Variants in CDH12 observed in about 807,000 individuals in gnomAD.
The protein encoded by CDH12 is cadherin-12.
Under a neutral mutation model 74.1 loss-of-function variants are expected in CDH12, and 41 were observed. That is an observed-to-expected ratio of 0.55 (90% CI 0.43 to 0.72). The LOEUF is 0.72. Among genes scored for constraint, CDH12 ranks in the 30% least tolerant of loss-of-function variants. The pLI is 0.00. For synonymous variants in CDH12, 399 were observed against 355.0 expected, an observed-to-expected ratio of 1.12 and a Z score of -1.39; for missense variants, 945 against 977.2, an observed-to-expected ratio of 0.97 and a Z score of 0.44.
At chr5:22,530,905 T>TA (rs571889897) in intron 1 of CDH12, among the ~76,000 whole-genome samples, 171 of 152,182 alleles carry the variant, frequency 1.1e-3, no homozygotes, top group African/African-American at 3.9e-3. Context: ...TTACAGAACT[T>TA]ACATATTTCC....
At chr5:22,790,536 G>T (rs1254648433) in intron 1 of CDH12, among the ~76,000 whole-genome samples, 4 of 151,882 alleles carry the variant, frequency 2.6e-5, no homozygotes, top group Non-Finnish European at 5.9e-5. Flanking sequence ...TAATCCCTTT[G>T]ACACATGTGG....
intron 1 of CDH12, among the ~76,000 whole-genome samples, chr5:22,509,318 T>A (rs1465906797): frequency 6.6e-6 from 1 of 152,198 alleles, no homozygotes; most frequent in East Asian, 1.9e-4. Context: ...AGACTATGGC[T>A]ACATAATTTT....
Position 21,917,433 on chromosome 5 carries a change from T to C in CDH12, c.526+57658A>G, listed in dbSNP as rs149501219. On this transcript the variant is annotated intron_variant, in intron 6 of 14. Transcript: ENST00000382254. ...AGCTCTGAAGTCATTATATAAAAAT[T>C]ACCAGTTAAAATTAACTAATCTTCC... Among the ~76,000 whole-genome samples, 17 of 152,356 alleles carry C rather than the reference T, an allele frequency of 1.1e-4. No homozygotes were observed. The East Asian group carries it at 3.3e-3, about 29-fold the overall frequency.
intron 3 of CDH12, among the ~76,000 whole-genome samples, chr5:22,278,742 C>G (rs1172626708): frequency 6.6e-6 from 1 of 152,044 alleles, no homozygotes; most frequent in East Asian, 1.9e-4. Flanking sequence ...TTAGTCTACC[C>G]TCTAGGTATG....
At chr5:22,282,282 A>G (rs1736922934) in intron 3 of CDH12, among the ~76,000 whole-genome samples, 1 of 152,210 alleles carries the variant, frequency 6.6e-6, no homozygotes, top group South Asian at 2.1e-4. Flanking sequence ...CCTAAAAATC[A>G]TAACAACCCT....
At chr5:22,117,491 A>AT (rs1457651411) in intron 4 of CDH12, among the ~76,000 whole-genome samples, 5 of 64,176 alleles carry the variant, frequency 7.8e-5, no homozygotes, top group Non-Finnish European at 1.4e-4. Flanking sequence ...TATATATATT[A>AT]TATATATATA....
intron 3 of CDH12, among the ~76,000 whole-genome samples, chr5:22,271,541 T>G (rs1736400695): frequency 6.6e-6 from 1 of 152,190 alleles, no homozygotes; most frequent in African/African-American, 2.4e-5. Context: ...TTGGAAAATC[T>G]TTTGCACAAG....
intron 1 of CDH12, among the ~76,000 whole-genome samples, chr5:22,539,050 T>C (rs934556563): frequency 2.6e-5 from 4 of 152,176 alleles, no homozygotes; most frequent in Non-Finnish European, 5.9e-5. Context: ...TGCAAGCCAC[T>C]GTGCCCAACT....
At chr5:22,829,426 A>G (rs961210690) in intron 1 of CDH12, among the ~76,000 whole-genome samples, 1 of 152,162 alleles carries the variant, frequency 6.6e-6, no homozygotes, top group African/African-American at 2.4e-5. Context: ...CATTACCTAC[A>G]CAAGATACTG....
intron 5 of CDH12, among the ~76,000 whole-genome samples, chr5:22,052,008 A>C (rs1740405440): frequency 6.6e-6 from 1 of 152,140 alleles, no homozygotes; most frequent in African/African-American, 2.4e-5. Flanking sequence ...CATTTCTTTT[A>C]TTACATGAAA....
At chr5:22,586,916 G>A (rs1740433941) in intron 1 of CDH12, among the ~76,000 whole-genome samples, 8 of 144,382 alleles carry the variant, frequency 5.5e-5, no homozygotes, top group Admixed American at 7.6e-5. Flanking sequence ...GTGTGGTCTC[G>A]GGTCACTGCA....
intron 1 of CDH12, among the ~76,000 whole-genome samples, chr5:22,623,112 T>A (rs1215145635): frequency 6.6e-6 from 1 of 152,168 alleles, no homozygotes; most frequent in Non-Finnish European, 1.5e-5. Flanking sequence ...TTCAACAAAA[T>A]TCAACAGCCA....
chr5:21,914,225 C>T (rs978771984), intron 6 of CDH12, among the ~76,000 whole-genome samples: 1 of 152,148 alleles, frequency 6.6e-6, no homozygotes, highest in African/African-American at 2.4e-5. Flanking sequence ...TTGCTTTTCT[C>T]TTCAATGGAA....
At chr5:22,518,439 T>G (rs1364654000) in intron 1 of CDH12, among the ~76,000 whole-genome samples, 2 of 152,218 alleles carry the variant, frequency 1.3e-5, no homozygotes. Flanking sequence ...GTGGTTTCCA[T>G]GCATATTGGC....
At chr5:22,048,958 A>G (rs61561152) in intron 5 of CDH12, among the ~76,000 whole-genome samples, 33,286 of 151,914 alleles carry the variant, frequency 0.22, 3,725 homozygotes, top group South Asian at 0.27. Flanking sequence ...ATCCATTCAT[A>G]CTCCAAAAAG....
chr5:22,712,255 T>A (rs72637794), intron 1 of CDH12, among the ~76,000 whole-genome samples: 7,173 of 152,160 alleles, frequency 0.047, 303 homozygotes, highest in East Asian at 0.2. Flanking sequence ...ATTACTTTTT[T>A]AAATATGCTT....
At chr5:22,488,934 G>A (rs1746723443) in intron 2 of CDH12, among the ~76,000 whole-genome samples, 1 of 151,290 alleles carries the variant, frequency 6.6e-6, no homozygotes, top group African/African-American at 2.4e-5. Flanking sequence ...CTTAATGATA[G>A]TCATTTCTAT....
At chr5:22,304,608 G>T (rs558994705) in intron 3 of CDH12, among the ~76,000 whole-genome samples, 3 of 152,254 alleles carry the variant, frequency 2.0e-5, no homozygotes, top group African/African-American at 4.8e-5. Context: ...AAACTTTCTT[G>T]TATCTTTTCC....
intron 1 of CDH12, among the ~76,000 whole-genome samples, chr5:22,746,548 T>C (rs775514910): frequency 7.2e-5 from 11 of 152,290 alleles, no homozygotes; most frequent in Non-Finnish European, 1.2e-4. Flanking sequence ...AAGAAAGAGT[T>C]AGACATTACA....
Sources: allele counts gnomAD v4.1 joint callset (sites outside exome capture counted in the v4.1 genomes callset), GRCh38; gene constraint gnomAD v4.1.1; transcripts MANE v1.5; gene names NCBI Gene and HGNC (gene_info 2026-07-23, HGNC 2026-07-21).